CNTNAP2: variants seen among roughly 807,000 people sequenced by gnomAD.
CNTNAP2 encodes contactin associated protein 2.
A neutral mutation model predicts 155.2 loss-of-function variants in CNTNAP2; 98 were observed. That is an observed-to-expected ratio of 0.63 (90% CI 0.54 to 0.75). The LOEUF is 0.75. Among genes scored for constraint, CNTNAP2 ranks in the 30% least tolerant of loss-of-function variants. The probability of loss-of-function intolerance (pLI) is 0.00; values close to 1 mark genes in which losing one functional copy is unlikely to be tolerated. For missense variants in CNTNAP2, 1,727 were observed against 1,688.1 expected, an observed-to-expected ratio of 1.02 and a Z score of -0.40; for synonymous variants, 651 against 631.2, an observed-to-expected ratio of 1.03 and a Z score of -0.47.
intron 21 of CNTNAP2, among the ~76,000 whole-genome samples, chr7:148,345,566 G>A (rs1444223532): frequency 6.6e-6 from 1 of 152,046 alleles, no homozygotes; most frequent in Non-Finnish European, 1.5e-5. Context: ...TACTATTTTA[G>A]AAGAGATGGG....
intron 6 of CNTNAP2, 136 bp downstream of exon 6, chr7:147,121,299 T>A: frequency 1.3e-6 from 1 of 798,874 alleles, no homozygotes; most frequent in Non-Finnish European, 2.0e-6. Context: ...CTGACAATTT[T>A]AAAAACCTGA....
chr7:147,075,680 G>A lies in CNTNAP2; in HGVS notation c.550+31626G>A, dbSNP rs183948625. Among the ~76,000 whole-genome samples, 10 of 151,216 alleles carry A rather than the reference G, an allele frequency of 6.6e-5. No homozygotes were observed. In the East Asian group the frequency reaches 7.8e-4, roughly 12 times the overall value. ...AAGTTCTAGGGTACATGTGTACAAC[G>A]TGCAGGTTTGTTACATATGTATACA... is the stretch of plus-strand genomic sequence containing the variant. On this transcript the variant is annotated intron_variant, in intron 4 of 23. Transcript: ENST00000361727.
At chr7:146,178,223 C>T (rs966478025) in intron 1 of CNTNAP2, among the ~76,000 whole-genome samples, 8 of 151,904 alleles carry the variant, frequency 5.3e-5, no homozygotes, top group East Asian at 1.9e-4. Context: ...TTAGTAGAGA[C>T]GGAGTTTCAC....
At chr7:147,158,940 A>T (rs1801975916) in intron 8 of CNTNAP2, among the ~76,000 whole-genome samples, 1 of 152,132 alleles carries the variant, frequency 6.6e-6, no homozygotes, top group Non-Finnish European at 1.5e-5. Flanking sequence ...GATGTATAAA[A>T]GTTGTTTTAT....
At chr7:147,502,538 T>C (rs1798833752) in intron 11 of CNTNAP2, among the ~76,000 whole-genome samples, 1 of 152,160 alleles carries the variant, frequency 6.6e-6, no homozygotes, top group Admixed American at 6.6e-5. Context: ...GTACAAACTT[T>C]CAATTACAAG....
intron 1 of CNTNAP2, among the ~76,000 whole-genome samples, chr7:146,298,344 AT>A (rs1800549550): frequency 6.6e-6 from 1 of 152,234 alleles, no homozygotes; most frequent in African/African-American, 2.4e-5. Context: ...ACATTCAAGC[AT>A]AAAAAAAGAA....
At chr7:147,368,013 TC>T (rs139772323) in intron 9 of CNTNAP2, among the ~76,000 whole-genome samples, 22,775 of 79,110 alleles carry the variant, frequency 0.29, 3,168 homozygotes, top group East Asian at 0.64. Context: ...TCTCTCTCTC[TC>T]CCCCCCCTCC....
intron 13 of CNTNAP2, chr7:147,896,909 C>T (rs1316475238): frequency 1.3e-5 from 2 of 152,168 alleles, no homozygotes; most frequent in Non-Finnish European, 2.9e-5. Context: ...TCCGCCTACA[C>T]CCAGGAATGA....
intron 21 of CNTNAP2, among the ~76,000 whole-genome samples, chr7:148,274,816 C>G (rs1326698310): frequency 3.3e-5 from 5 of 152,224 alleles, no homozygotes; most frequent in Non-Finnish European, 5.9e-5. Context: ...CAATCTCTTA[C>G]TCTACCATTT....
chr7:147,195,161 C>A (rs562736129), intron 8 of CNTNAP2, among the ~76,000 whole-genome samples: 1 of 152,262 alleles, frequency 6.6e-6, no homozygotes, highest in African/African-American at 2.4e-5. Flanking sequence ...TTCCCATTAC[C>A]ATTTACTGAA....
chr7:147,775,272 TATATA>T, intron 13 of CNTNAP2, among the ~76,000 whole-genome samples: 1 of 102,070 alleles, frequency 9.8e-6, no homozygotes, highest in South Asian at 2.6e-4. Context: ...TATATTTATA[TATATA>T]TTTATAAATA....
At chr7:147,137,470 T>C (rs963081012) in intron 8 of CNTNAP2, among the ~76,000 whole-genome samples, 4 of 151,696 alleles carry the variant, frequency 2.6e-5, no homozygotes, top group African/African-American at 9.7e-5. Context: ...TAAACATCAA[T>C]TGTTCTCAGA....
At chr7:147,229,829 T>C (rs1803636950) in intron 8 of CNTNAP2, among the ~76,000 whole-genome samples, 1 of 152,214 alleles carries the variant, frequency 6.6e-6, no homozygotes, top group East Asian at 1.9e-4. Context: ...AAAAAATAAA[T>C]GCTATTCAGA....
intron 8 of CNTNAP2, among the ~76,000 whole-genome samples, chr7:147,228,243 A>G (rs1472430821): frequency 6.6e-6 from 1 of 152,236 alleles, no homozygotes; most frequent in Non-Finnish European, 1.5e-5. Context: ...GAGTTTTGCT[A>G]CAAAGGGGAT....
At chr7:148,017,137 C>A (rs909124818) in intron 15 of CNTNAP2, among the ~76,000 whole-genome samples, 2 of 152,194 alleles carry the variant, frequency 1.3e-5, no homozygotes, top group South Asian at 4.1e-4. Context: ...GATCTCAGCA[C>A]CTGAGCTTCT....
chr7:146,676,930 A>G (rs142189161), intron 1 of CNTNAP2, among the ~76,000 whole-genome samples: 1,793 of 152,264 alleles, frequency 0.012, 21 homozygotes, highest in Middle Eastern at 0.054. Context: ...TCACAGCCAA[A>G]CCATATTGGC....
intron 2 of CNTNAP2, among the ~76,000 whole-genome samples, chr7:146,779,576 G>A (rs1350378512): frequency 6.6e-6 from 1 of 152,166 alleles, no homozygotes; most frequent in Non-Finnish European, 1.5e-5. Flanking sequence ...ACCCAGTCAT[G>A]CAATCTCAGT....
At chr7:147,281,009 A>G (rs1468617002) in intron 8 of CNTNAP2, among the ~76,000 whole-genome samples, 1 of 151,882 alleles carries the variant, frequency 6.6e-6, no homozygotes, top group African/African-American at 2.4e-5. Flanking sequence ...TCAACTTACT[A>G]GTTTATATGG....
intron 1 of CNTNAP2, among the ~76,000 whole-genome samples, chr7:146,735,791 A>G (rs1343502206): frequency 1.4e-5 from 2 of 144,266 alleles, no homozygotes; most frequent in African/African-American, 5.9e-5. Flanking sequence ...TGGTTAACAG[A>G]CGTAAAATTT....
Sources: allele counts gnomAD v4.1 joint callset (sites outside exome capture counted in the v4.1 genomes callset), GRCh38; gene constraint gnomAD v4.1.1; transcripts MANE v1.5; gene names NCBI Gene and HGNC (gene_info 2026-07-23, HGNC 2026-07-21).